The following PARP2 variants were observed in gnomAD, a reference collection of about 807,000 sequenced individuals.
The protein encoded by PARP2 is poly [ADP-ribose] polymerase 2.
In PARP2, 57 loss-of-function variants were observed where a neutral mutation model predicts 77.8. That is an observed-to-expected ratio of 0.73 (90% CI 0.59 to 0.91). PARP2 has a LOEUF of 0.91. PARP2 is among the 40% of genes least tolerant of loss of function. The probability of loss-of-function intolerance (pLI) is 0.00; values close to 1 mark genes in which losing one functional copy is unlikely to be tolerated. For synonymous variants in PARP2, 226 were observed against 242.6 expected (o/e 0.93, Z 0.64); for missense variants, 651 against 689.0 (o/e 0.94, Z 0.62).
Position 20,356,351 on chromosome 14 carries a change from C to T in PARP2, c.1146C>T (p.Ser382=), listed in dbSNP as rs539922691. The T allele has an allele frequency of 5.6e-6, 9 of 1,613,880 alleles. No individual in the cohort carries two copies. The highest frequency in any genetic ancestry group is 4.5e-5 in the East Asian group (2 of 44,884). ...YLQSTHAPTH[S]DYTMTLLDLF... is the part of the protein sequence containing the mutation. ...AATCTACCCATGCTCCCACACACAGCGACTATACCATGACCTTGCTGGATT... is the reference window on the plus strand; with the variant it reads ...AATCTACCCATGCTCCCACACACAGTGACTATACCATGACCTTGCTGGATT... The change falls in exon 12 of 16, where the codon AGC becomes AGT. Residue 382 remains serine (S), a synonymous_variant. Coordinates refer to ENST00000429687, the MANE Select transcript of PARP2 (RefSeq NM_001042618.2).
chr14:20,347,357 TATATATATATA>T (rs1883777242), intron 4 of PARP2, among the ~76,000 whole-genome samples: 4 of 7,778 alleles, frequency 5.1e-4, no homozygotes, highest in Admixed American at 1.6e-3. Context: ...TGTGTGTGTG[TATATATATATA>T]TATATATATA....
At chr14:20,356,781 C>T (rs539143927) in intron 13 of PARP2, 92 bp downstream of exon 13, 54 of 1,000,788 alleles carry the variant, frequency 5.4e-5, no homozygotes, top group Non-Finnish European at 7.6e-5. Flanking sequence ...TTAGATGGTT[C>T]CCCTCCCCAA....
In PARP2 at chr14:20,345,445, G is replaced by A. The variant is rs747919422; in HGVS notation, c.254G>A (p.Cys85Tyr). The A allele has an allele frequency of 1.2e-6, 2 of 1,613,472 alleles. No individual in the cohort carries two copies. Among genetic ancestry groups the A allele is most frequent in the Admixed American group, 1.7e-5 (1 of 60,002 alleles). Residue 85 changes from cysteine (C) to tyrosine (Y), a missense_variant, in exon 3 of 16, where the codon TGT becomes TAT. By Grantham distance (194) the Cys-to-Tyr change is radical. Transcript: ENST00000429687. The part of the protein sequence containing the change: ...LKGKAPVDPE[C>Y]TAKVGKAHVY... ...GGCAAAGCTCCTGTGGACCCAGAGT[G>A]TACAGCCAAGGTGGGGAAGGTAAGA...
chr14:20,348,963 G>A (rs1883863940), intron 4 of PARP2, among the ~76,000 whole-genome samples: 1 of 151,842 alleles, frequency 6.6e-6, no homozygotes, highest in Admixed American at 6.6e-5. Context: ...AGTTTGTGGT[G>A]AGCCGAGATC....
chr14:20,344,825 G>A (rs1309795555), intron 1 of PARP2, 107 bp from the exon 2 acceptor site: 1 of 829,428 alleles, frequency 1.2e-6, no homozygotes, highest in East Asian at 2.5e-5. Context: ...AACAAAAAAA[G>A]AGAGAAAATT....
Position 20,356,612 on chromosome 14 carries a change from A to G in PARP2, c.1252A>G (p.Arg418Gly). ...TAGGATGCTTCTATGGCATGGTTCC[A>G]GGATGAGTAACTGGGTGGGAATCTT... ...HNRMLLWHGS[R>G]MSNWVGILSH... is the part of the protein sequence containing the mutation. The change falls in exon 13 of 16, where the codon AGG becomes GGG. Residue 418 changes from arginine (R) to glycine (G), a missense_variant. By Grantham distance (125) the Arg-to-Gly change is moderately radical. Transcript: ENST00000429687. The G allele has an allele frequency of 6.2e-7, 1 of 1,614,126 alleles. No homozygotes were observed. Among genetic ancestry groups the G allele is most frequent in the Non-Finnish European group, 8.5e-7 (1 of 1,179,920 alleles).
At position 20,346,864 on chromosome 14, in the gene PARP2, C is replaced by G. The variant is rs369388288; in HGVS notation, c.275C>G (p.Ala92Gly). Residue 92 changes from alanine (A) to glycine (G), a missense_variant and splice_region_variant, in exon 4 of 16, where the codon GCT (alanine) becomes GGT (glycine). Coordinates refer to ENST00000429687, the MANE Select transcript of PARP2 (RefSeq NM_001042618.2). ...TTTTTTCTCTCTCTCCCTTTCTAGG[C>G]TCATGTGTATTGTGAAGGAAATGAT... The part of the protein sequence containing the change: ...DPECTAKVGK[A>G]HVYCEGNDVY... The G allele has an allele frequency of 1.1e-5, 18 of 1,599,042 alleles. No homozygotes were observed. Among genetic ancestry groups the G allele is most frequent in the African/African-American group, 9.4e-5 (7 of 74,298 alleles).
rs746312385 is a variant in PARP2, at chr14:20,357,067, A to G, written c.1346A>G (p.Tyr449Cys). 32 of 1,609,742 alleles carry G rather than the reference A, an allele frequency of 2.0e-5. No homozygotes were observed. The highest frequency in any genetic ancestry group is 2.6e-5 in the Non-Finnish European group (31 of 1,176,114). The part of the protein sequence containing the change: ...ITGYMFGKGI[Y>C]FADMSSKSAN... ...ATATTTCAGTTTGGGAAAGGAATCT[A>G]CTTTGCTGACATGTCTTCCAAGAGT... The change falls in exon 14 of 16, where the codon TAC (tyrosine) becomes TGC (cysteine). Residue 449 changes from tyrosine (Y) to cysteine (C), a missense_variant. Coordinates refer to ENST00000429687, the MANE Select transcript of PARP2 (RefSeq NM_001042618.2).
At chr14:20,344,640 C>T (rs978305760) in intron 1 of PARP2, among the ~76,000 whole-genome samples, 2 of 152,154 alleles carry the variant, frequency 1.3e-5, no homozygotes, top group African/African-American at 4.8e-5. Context: ...TGGTGAAACC[C>T]TGTCTCTACT....
At chr14:20,348,974 G>C (rs3093897) in intron 4 of PARP2, among the ~76,000 whole-genome samples, 30,400 of 151,462 alleles carry the variant, frequency 0.2, 3,550 homozygotes, top group South Asian at 0.35. Context: ...AGCCGAGATC[G>C]TACCATTGTA....
rs969035122 is a variant in PARP2, at chr14:20,357,124, A to G, written c.1403A>G (p.Asn468Ser). The stretch of plus-strand genomic sequence containing the variant: ...TACTGCTTTGCCTCTCGCCTAAAGA[A>G]TACAGGACTGCTGCTCTTATCAGAG... The part of the protein sequence containing the change: ...ANYCFASRLK[N>S]TGLLLLSEVA... Residue 468 changes from asparagine (N) to serine (S), a missense_variant, in exon 14 of 16, where the codon AAT (asparagine) becomes AGT (serine). Transcript: ENST00000429687. 10 of 1,609,810 alleles carry G rather than the reference A, an allele frequency of 6.2e-6. No individual in the cohort carries two copies. The highest frequency in any genetic ancestry group is 8.5e-6 in the Non-Finnish European group (10 of 1,176,318).
At position 20,355,630 on chromosome 14, in the gene PARP2, A is replaced by C; in HGVS notation, c.903-122A>C. 1.0e-5 allele frequency: 7 copies of C among 667,156 alleles called. No homozygotes were observed. The South Asian group carries it at 1.3e-4, about 13-fold the overall frequency. The allele number at this position is 667,156 out of a possible 1,614,324, so 41.3% of individuals were successfully genotyped here. On this transcript the variant is annotated intron_variant, in intron 9 of 15. Transcript: ENST00000429687. The stretch of plus-strand genomic sequence containing the variant: ...TCTTTACAGATCTCTTTCTCTCTCA[A>C]ATGGAAAACCTGTTTCTCATACCTG...
At position 20,347,661 on chromosome 14, in the gene PARP2, T is replaced by C. The variant is rs1311428041; in HGVS notation, c.324+748T>C. On this transcript the variant is annotated intron_variant, in intron 4 of 15. Coordinates refer to ENST00000429687, the MANE Select transcript of PARP2 (RefSeq NM_001042618.2). Reference sequence around the variant, plus strand: ...CCTGACCTCAGGTGATCCACCCACCTCACCCTCCCAAAGTGTTGGTATTAC... The same window carrying C: ...CCTGACCTCAGGTGATCCACCCACCCCACCCTCCCAAAGTGTTGGTATTAC... Among the ~76,000 whole-genome samples the C allele has an allele frequency of 2.0e-5, 3 of 151,284 alleles. No individual in the cohort carries two copies. The East Asian group carries it at 5.8e-4, about 29-fold the overall frequency.
rs753364915 is a variant in PARP2, at chr14:20,352,354, CTCACTATACTTTTCGAAAGAAACACA to C, written c.600+10_600+35del. ...CTATGCCACCAATACTCAGGTAACT[CTCACTATACTTTTCGAAAGAAACACA>C]TCTTCTTTTTTTATTTTATTTTTTA... On this transcript the variant is annotated splice_region_variant and intron_variant, in intron 7 of 15. Transcript: ENST00000429687. 6.7e-7 allele frequency: 1 copy of C among 1,482,966 alleles called. No individual in the cohort carries two copies. The highest frequency in any genetic ancestry group is 2.3e-5 in the East Asian group (1 of 44,312). The allele number at this position is 1,482,966 out of a possible 1,614,324, so 91.9% of individuals were successfully genotyped here. A position where few individuals can be genotyped will look rare whatever the true frequency, so the allele number is the denominator to read the frequency against.
intron 7 of PARP2, chr14:20,352,961 C>G (rs1431320317): frequency 1.3e-5 from 2 of 151,986 alleles, no homozygotes; most frequent in African/African-American, 4.8e-5. Context: ...GCTGCAACCT[C>G]CAGCTCCCGG....
chr14:20,355,150 T>G (rs1884098976), intron 9 of PARP2: 2 of 480,820 alleles, frequency 4.2e-6, no homozygotes, highest in South Asian at 7.3e-5. Flanking sequence ...ACCACAGCCA[T>G]ATTCTCTGAC....
chr14:20,354,363 G>C, intron 8 of PARP2, 116 bp downstream of exon 8: 1 of 866,048 alleles, frequency 1.2e-6, no homozygotes, highest in South Asian at 1.8e-5. Flanking sequence ...AAGAAAATGG[G>C]ATTTGGGGTG....
At chr14:20,356,472 G>A in intron 12 of PARP2, 38 bp downstream of exon 12, 2 of 1,613,850 alleles carry the variant, frequency 1.2e-6, no homozygotes, top group Non-Finnish European at 1.7e-6. Context: ...GACACTCCTT[G>A]CCCGAAAGTA....
In PARP2 at chr14:20,357,511, TC is replaced by T; in HGVS notation, c.1545del (p.Phe515LeufsTer4). 6.2e-7 allele frequency: 1 copy of T among 1,611,044 alleles called. No homozygotes were observed. Among genetic ancestry groups the T allele is most frequent in the African/African-American group, 1.3e-5 (1 of 74,876 alleles). ...LGKMAPSSAH[F>X]VTLNGSTVPL... ...AAGATGGCTCCCAGTTCTGCCCACTTCGTCACCCTGTAAGTACTCAGAACCA... is the reference window on the plus strand; with the variant it reads ...AAGATGGCTCCCAGTTCTGCCCACTTGTCACCCTGTAAGTACTCAGAACCA... On this transcript the variant is annotated frameshift_variant, in exon 15 of 16. Coordinates refer to ENST00000429687, the MANE Select transcript of PARP2 (RefSeq NM_001042618.2). LOFTEE classifies it high-confidence loss of function.
Sources: allele counts gnomAD v4.1 joint callset (sites outside exome capture counted in the v4.1 genomes callset), GRCh38; gene constraint gnomAD v4.1.1; transcripts MANE v1.5; gene names NCBI Gene and HGNC (gene_info 2026-07-23, HGNC 2026-07-21).